Variants in GRM1 observed in about 807,000 individuals in gnomAD.
GRM1 encodes the protein metabotropic glutamate receptor 1.
In GRM1, 33 loss-of-function variants were observed where a neutral mutation model predicts 90.9. The ratio of observed to expected loss-of-function variants is 0.36; its 90% CI spans 0.28 to 0.49. GRM1 has a LOEUF of 0.49. Ranked by LOEUF, GRM1 falls within the 20% of genes least tolerant of loss-of-function variation. The pLI is 0.99. For missense variants in GRM1, 1,190 were observed against 1,534.3 expected, an observed-to-expected ratio of 0.78 and a Z score of 3.75; for synonymous variants, 700 against 613.2, an observed-to-expected ratio of 1.14 and a Z score of -2.09.
chr6:146,409,650 G>A (rs1199584061), intron 7 of GRM1, among the ~76,000 whole-genome samples: 1 of 151,982 alleles, frequency 6.6e-6, no homozygotes, highest in Non-Finnish European at 1.5e-5. Flanking sequence ...TACATTTTAA[G>A]TTACAGGACA....
Position 146,228,388 on chromosome 6 carries a change from G to A in GRM1, c.950+68791G>A, listed in dbSNP as rs80161212. ...GCCTGCAAAAGAAAGGAGCACCAGGGGTTAGGCTCACTTTTATATTATAAC... is the reference window on the plus strand; with the variant it reads ...GCCTGCAAAAGAAAGGAGCACCAGGAGTTAGGCTCACTTTTATATTATAAC... On this transcript the variant is annotated intron_variant, in intron 2 of 7. Coordinates refer to ENST00000282753, the MANE Select transcript of GRM1 (RefSeq NM_001278064.2). Among the ~76,000 whole-genome samples the A allele has an allele frequency of 6.0e-3, 912 of 152,216 alleles. 9 individuals carry two copies. The highest frequency in any genetic ancestry group is 0.021 in the African/African-American group (857 of 41,532).
chr6:146,119,238 T>A (rs1158166228), intron 1 of GRM1, among the ~76,000 whole-genome samples: 3 of 152,240 alleles, frequency 2.0e-5, no homozygotes, highest in African/African-American at 4.8e-5. Flanking sequence ...ATAAATGTCT[T>A]CTTTTGAGAA....
At chr6:146,271,597 T>A (rs1039639521) in intron 2 of GRM1, among the ~76,000 whole-genome samples, 5 of 152,206 alleles carry the variant, frequency 3.3e-5, no homozygotes, top group Non-Finnish European at 4.4e-5. Flanking sequence ...GAGTTCTAAG[T>A]CTTTTGAGCT....
intron 2 of GRM1, among the ~76,000 whole-genome samples, chr6:146,201,705 CTA>C (rs1779303478): frequency 6.6e-6 from 1 of 152,196 alleles, no homozygotes; most frequent in South Asian, 2.1e-4. Flanking sequence ...ATCAATTGTT[CTA>C]TATGTTAACT....
At chr6:146,111,626 A>C (rs987635716) in intron 1 of GRM1, among the ~76,000 whole-genome samples, 11 of 152,212 alleles carry the variant, frequency 7.2e-5, no homozygotes, top group African/African-American at 2.2e-4. Flanking sequence ...TGTGATGAGG[A>C]GTTGTTCATG....
At chr6:146,089,547 C>T (rs955866036) in intron 1 of GRM1, among the ~76,000 whole-genome samples, 4 of 152,078 alleles carry the variant, frequency 2.6e-5, no homozygotes, top group African/African-American at 9.7e-5. Flanking sequence ...TTCACCCCTA[C>T]CCAGATTTTA....
At chr6:146,045,636 A>T (rs1459633280) in intron 1 of GRM1, among the ~76,000 whole-genome samples, 1 of 151,482 alleles carries the variant, frequency 6.6e-6, no homozygotes, top group East Asian at 2.0e-4. Flanking sequence ...AAACAAGATG[A>T]TCGATTATTT....
intron 3 of GRM1, among the ~76,000 whole-genome samples, chr6:146,338,437 A>G (rs538138431): frequency 2.6e-5 from 4 of 152,206 alleles, no homozygotes; most frequent in Non-Finnish European, 5.9e-5. Flanking sequence ...CTAAAAAGAG[A>G]GTGTTAACTT....
intron 7 of GRM1, among the ~76,000 whole-genome samples, chr6:146,421,549 T>C (rs986572079): frequency 2.6e-5 from 4 of 152,138 alleles, no homozygotes; most frequent in East Asian, 3.8e-4. Context: ...AGATTCATAT[T>C]TAGAATAATA....
intron 2 of GRM1, among the ~76,000 whole-genome samples, chr6:146,269,752 T>C (rs1782043053): frequency 6.6e-6 from 1 of 152,158 alleles, no homozygotes; most frequent in Admixed American, 6.5e-5. Context: ...CCTGGTGATC[T>C]GAGGTGGAAC....
chr6:146,290,241 A>T (rs1782929343), intron 2 of GRM1, among the ~76,000 whole-genome samples: 1 of 152,120 alleles, frequency 6.6e-6, no homozygotes, highest in South Asian at 2.1e-4. Flanking sequence ...CTCCAGAGAA[A>T]CCAAAAATAG....
intron 1 of GRM1, among the ~76,000 whole-genome samples, chr6:146,126,372 G>A (rs1412025897): frequency 6.6e-6 from 1 of 151,924 alleles, no homozygotes; most frequent in Non-Finnish European, 1.5e-5. Context: ...TGGATATACT[G>A]CTTTTCTATA....
chr6:146,084,762 C>T (rs148566613), intron 1 of GRM1, among the ~76,000 whole-genome samples: 22 of 152,120 alleles, frequency 1.4e-4, no homozygotes, highest in African/African-American at 5.3e-4. Flanking sequence ...TCCATTTGAT[C>T]CAGAGTTGAA....
At chr6:146,364,776 ATTT>A (rs11389715) in intron 5 of GRM1, among the ~76,000 whole-genome samples, 1,430 of 141,818 alleles carry the variant, frequency 0.01, 19 homozygotes, top group African/African-American at 0.035. Context: ...CTCTTCTTCT[ATTT>A]TTTTTTTTTT....
At chr6:146,420,549 G>A (rs191611736) in intron 7 of GRM1, among the ~76,000 whole-genome samples, 1 of 152,270 alleles carries the variant, frequency 6.6e-6, no homozygotes, top group East Asian at 1.9e-4. Context: ...GCACTTTCTA[G>A]GGCCTCTACA....
chr6:146,314,514 T>C (rs761029997), intron 3 of GRM1, among the ~76,000 whole-genome samples: 7 of 152,232 alleles, frequency 4.6e-5, no homozygotes, highest in Non-Finnish European at 1.0e-4. Flanking sequence ...AAGCATATTC[T>C]TTCATTTTTC....
Position 146,434,170 on chromosome 6 carries a change from A to T in GRM1, c.2959A>T (p.Thr987Ser). 1 of 1,613,564 alleles carries T rather than the reference A, an allele frequency of 6.2e-7. No individual in the cohort carries two copies. Among genetic ancestry groups the T allele is most frequent in the South Asian group, 1.1e-5 (1 of 91,058 alleles). Residue 987 changes from threonine to serine, a missense_variant, in exon 8 of 8, where the codon ACC becomes TCC. Physicochemically the swap from Thr to Ser is moderately conservative, Grantham distance 58. Coordinates refer to ENST00000282753, the MANE Select transcript of GRM1 (RefSeq NM_001278064.2). ...GCACAGGCGCGTGCCAAGCGCGGCG[A>T]CCACTCCGCCTCTGCCGTCCCACCT... ...VVHRRVPSAA[T>S]TPPLPSHLTA...
chr6:146,306,192 G>T (rs1217619321), intron 3 of GRM1, among the ~76,000 whole-genome samples: 1 of 152,094 alleles, frequency 6.6e-6, no homozygotes, highest in Non-Finnish European at 1.5e-5. Flanking sequence ...AGAAAGGGGA[G>T]ACATTGCTAA....
At chr6:146,172,827 T>TA (rs1778187382) in intron 2 of GRM1, among the ~76,000 whole-genome samples, 2 of 152,146 alleles carry the variant, frequency 1.3e-5, no homozygotes, top group South Asian at 2.1e-4. Context: ...CATTTGGATT[T>TA]AAAAAATTGA....
Sources: allele counts gnomAD v4.1 joint callset (sites outside exome capture counted in the v4.1 genomes callset), GRCh38; gene constraint gnomAD v4.1.1; transcripts MANE v1.5; gene names NCBI Gene and HGNC (gene_info 2026-07-23, HGNC 2026-07-21).